GOPC: variants seen among roughly 807,000 people sequenced by gnomAD.
GOPC encodes the protein golgi associated PDZ and coiled-coil motif containing.
In GOPC, 32 loss-of-function variants were observed where a neutral mutation model predicts 51.2. The ratio of observed to expected loss-of-function variants is 0.63; its 90% CI spans 0.47 to 0.84. GOPC has a LOEUF of 0.84. GOPC is among the 40% of genes least tolerant of loss of function. GOPC has a pLI of 0.00. For missense variants in GOPC, 441 were observed against 555.5 expected, an observed-to-expected ratio of 0.79 and a Z score of 2.07; for synonymous variants, 190 against 205.1, an observed-to-expected ratio of 0.93 and a Z score of 0.63.
At chr6:117,565,166 C>T (rs1402997037) in intron 8 of GOPC, among the ~76,000 whole-genome samples, 1 of 151,938 alleles carries the variant, frequency 6.6e-6, no homozygotes, top group Non-Finnish European at 1.5e-5. Context: ...CTCTATGTTC[C>T]AAACAAAAAA....
chr6:117,593,212 A>C (rs1483324436), intron 1 of GOPC, among the ~76,000 whole-genome samples: 1 of 151,206 alleles, frequency 6.6e-6, no homozygotes, highest in Non-Finnish European at 1.5e-5. Context: ...TCTTACTCTC[A>C]CCTACTTTTA....
rs772319882 is a variant in GOPC at position 117,575,393 on chromosome 6, A to G, written c.475-41T>C. The G allele has an allele frequency of 2.1e-6, 3 of 1,448,026 alleles. No homozygotes were observed. In the East Asian group the frequency reaches 6.8e-5, roughly 33 times the overall value. The allele number at this position is 1,448,026 out of a possible 1,614,324, so 89.7% of individuals were successfully genotyped here. A position where few individuals can be genotyped will look rare whatever the true frequency, so the allele number is the denominator to read the frequency against. ...AAGCATATAATTTAATGAAAATAAA[A>G]ACTCTTTAGCACTAGACCATGTTCC... On this transcript the variant is annotated intron_variant, in intron 3 of 8. Transcript: ENST00000368498.
chr6:117,567,496 A>G (rs1410804019), intron 7 of GOPC, among the ~76,000 whole-genome samples: 1 of 152,186 alleles, frequency 6.6e-6, no homozygotes, highest in East Asian at 1.9e-4. Flanking sequence ...CACTGCCATA[A>G]GGACATCATA....
chr6:117,582,428 ACT>A (rs1055515636), intron 1 of GOPC, among the ~76,000 whole-genome samples: 1 of 147,954 alleles, frequency 6.8e-6, no homozygotes, highest in Non-Finnish European at 1.5e-5. Flanking sequence ...CTGTGTGCCC[ACT>A]CTCTCCCGAC....
At chr6:117,589,418 C>T (rs1314421324) in intron 1 of GOPC, among the ~76,000 whole-genome samples, 2 of 152,240 alleles carry the variant, frequency 1.3e-5, no homozygotes, top group Non-Finnish European at 2.9e-5. Context: ...CTCCCGGGTT[C>T]AAGTGATTCT....
At chr6:117,598,864 T>C (rs1771934450) in intron 1 of GOPC, among the ~76,000 whole-genome samples, 2 of 152,152 alleles carry the variant, frequency 1.3e-5, no homozygotes, top group Admixed American at 1.3e-4. Context: ...CAGTTAATAG[T>C]AGCTTAATGT....
chr6:117,582,862 G>A (rs548527095), intron 1 of GOPC, among the ~76,000 whole-genome samples: 84 of 151,852 alleles, frequency 5.5e-4, no homozygotes, highest in Non-Finnish European at 1.0e-3. Context: ...GACCCACCAA[G>A]TGCAGGTACC....
In GOPC at chr6:117,567,008, A is replaced by G; in HGVS notation, c.1104T>C (p.Val368=). 1 of 1,594,428 alleles carries G rather than the reference A, an allele frequency of 6.3e-7. No individual in the cohort carries two copies. Residue 368 remains valine (V), a synonymous_variant, in exon 8 of 9, where the codon GTT becomes GTC. Coordinates refer to ENST00000368498, the MANE Select transcript of GOPC (RefSeq NM_020399.4). ...CAGAATCCACTTCAGGAGCCACATA[A>G]ACTACTTCAAATTCAATCTCTCCTC... The part of the protein sequence containing the change: ...QQRGEIEFEV[V]YVAPEVDSDD...
At chr6:117,599,121 A>G (rs1771943078) in intron 1 of GOPC, among the ~76,000 whole-genome samples, 1 of 152,150 alleles carries the variant, frequency 6.6e-6, no homozygotes, top group Non-Finnish European at 1.5e-5. Flanking sequence ...TTAATAATAA[A>G]TATAGTGTTT....
At chr6:117,575,441 G>A in intron 3 of GOPC, 89 bp from the exon 4 acceptor site, 2 of 914,810 alleles carry the variant, frequency 2.2e-6, no homozygotes, top group Non-Finnish European at 3.6e-6. Flanking sequence ...AAAGCCTACA[G>A]TTCAACAATG....
At chr6:117,594,895 A>C (rs1251265779) in intron 1 of GOPC, among the ~76,000 whole-genome samples, 6 of 152,194 alleles carry the variant, frequency 3.9e-5, no homozygotes, top group Non-Finnish European at 5.9e-5. Context: ...TGAATTTTTT[A>C]AAGTATTGGT....
chr6:117,602,338 G>C lies in GOPC; in HGVS notation c.-50C>G, dbSNP rs745346064. The C allele has an allele frequency of 6.7e-7, 1 of 1,498,924 alleles. No individual in the cohort carries two copies. Among genetic ancestry groups the C allele is most frequent in the Admixed American group, 2.3e-5 (1 of 44,428 alleles). 92.9% of individuals were successfully genotyped at this position (1,498,924 alleles called of 1,614,324 possible). ...CTGCTGAAGACCCTCGCCGCCCCCCGCGCACGAAGGGAACTGCTGGGACTG... is the reference window on the plus strand; with the variant it reads ...CTGCTGAAGACCCTCGCCGCCCCCCCCGCACGAAGGGAACTGCTGGGACTG... On this transcript the variant is annotated 5_prime_UTR_variant, in exon 1 of 9. Coordinates refer to ENST00000368498, the MANE Select transcript of GOPC (RefSeq NM_020399.4).
chr6:117,574,972 A>T (rs1779858856), intron 4 of GOPC, among the ~76,000 whole-genome samples: 1 of 152,084 alleles, frequency 6.6e-6, no homozygotes, highest in Non-Finnish European at 1.5e-5. Flanking sequence ...CCAGCTACTC[A>T]GGAGGCTGAG....
intron 1 of GOPC, among the ~76,000 whole-genome samples, chr6:117,594,111 T>G (rs779012136): frequency 6.6e-6 from 1 of 152,184 alleles, no homozygotes; most frequent in Non-Finnish European, 1.5e-5. Flanking sequence ...CCAAATATTT[T>G]TGCATGGCCA....
At chr6:117,570,404 C>T (rs1291542867) in intron 6 of GOPC, among the ~76,000 whole-genome samples, 1 of 151,714 alleles carries the variant, frequency 6.6e-6, no homozygotes, top group Non-Finnish European at 1.5e-5. Context: ...GAGATGACAA[C>T]AAAATGACTC....
At chr6:117,575,812 A>G (rs1355173207) in intron 3 of GOPC, among the ~76,000 whole-genome samples, 29 of 152,218 alleles carry the variant, frequency 1.9e-4, no homozygotes, top group Admixed American at 1.9e-3. Context: ...AAACATGGTT[A>G]CATTTGTTCA....
At chr6:117,570,158 T>C (rs1461997941) in intron 6 of GOPC, among the ~76,000 whole-genome samples, 2 of 151,978 alleles carry the variant, frequency 1.3e-5, no homozygotes, top group East Asian at 3.9e-4. Context: ...GCTTATATCA[T>C]TGTTGCGTGT....
chr6:117,574,441 G>A (rs1779849651), intron 4 of GOPC, among the ~76,000 whole-genome samples: 1 of 152,116 alleles, frequency 6.6e-6, no homozygotes, highest in African/African-American at 2.4e-5. Context: ...GTATGATTAT[G>A]ATAAAATCAT....
At chr6:117,578,650 T>C (rs1779916499) in intron 2 of GOPC, among the ~76,000 whole-genome samples, 1 of 152,064 alleles carries the variant, frequency 6.6e-6, no homozygotes, top group South Asian at 2.1e-4. Flanking sequence ...TAATCACAAA[T>C]ATCTTTTAAA....
Sources: allele counts gnomAD v4.1 joint callset (sites outside exome capture counted in the v4.1 genomes callset), GRCh38; gene constraint gnomAD v4.1.1; transcripts MANE v1.5; gene names NCBI Gene and HGNC (gene_info 2026-07-23, HGNC 2026-07-21).